Variants in PIK3C2G observed in about 807,000 individuals in gnomAD.
The protein encoded by PIK3C2G is phosphatidylinositol 3-kinase C2 domain-containing subunit gamma.
In PIK3C2G, 168 loss-of-function variants were observed where a neutral mutation model predicts 181.1. That is an observed-to-expected ratio of 0.93 (90% confidence interval 0.82 to 1.05). The LOEUF is 1.05. Among genes scored for constraint, PIK3C2G ranks in the 50% least tolerant of loss-of-function variants. PIK3C2G has a pLI of 0.00. For missense variants in PIK3C2G, 1,869 were observed against 1,732.8 expected, an observed-to-expected ratio of 1.08 and a Z score of -1.40; for synonymous variants, 573 against 592.2, an observed-to-expected ratio of 0.97 and a Z score of 0.47.
chr12:18,635,164 T>C (rs986309528), intron 31 of PIK3C2G, among the ~76,000 whole-genome samples: 1 of 152,228 alleles, frequency 6.6e-6, no homozygotes, highest in Admixed American at 6.5e-5. Flanking sequence ...AGCTGATGCC[T>C]GTATATCATG....
At chr12:18,607,523 T>G (rs1436620776) in intron 30 of PIK3C2G, among the ~76,000 whole-genome samples, 1 of 152,132 alleles carries the variant, frequency 6.6e-6, no homozygotes, top group Non-Finnish European at 1.5e-5. Context: ...CTGGATCCCT[T>G]CCTTACACCT....
chr12:18,721,049 A>G, the PIK3C2G span, among the ~76,000 whole-genome samples: 1 of 152,082 alleles, frequency 6.6e-6, no homozygotes, highest in Non-Finnish European at 1.5e-5. Context: ...AGGAAGATAG[A>G]AGTGTATGGA....
At chr12:18,328,160 C>T (rs187288680) in intron 8 of PIK3C2G, among the ~76,000 whole-genome samples, 6 of 151,944 alleles carry the variant, frequency 3.9e-5, no homozygotes, top group Non-Finnish European at 4.4e-5. Context: ...ATTCATGCTT[C>T]AAAATGTGGT....
At chr12:18,384,827 A>G (rs1260516096) in intron 14 of PIK3C2G, among the ~76,000 whole-genome samples, 3 of 152,230 alleles carry the variant, frequency 2.0e-5, no homozygotes, top group African/African-American at 7.2e-5. Flanking sequence ...AAGTTAAACC[A>G]TCCCATTTTT....
At chr12:18,268,388 GTTATTA>G (rs10542107) in intron 1 of PIK3C2G, among the ~76,000 whole-genome samples, 5 of 151,612 alleles carry the variant, frequency 3.3e-5, no homozygotes, top group East Asian at 2.0e-4. Context: ...GATTTTTATT[GTTATTA>G]TTATTATTAT....
intron 14 of PIK3C2G, among the ~76,000 whole-genome samples, chr12:18,389,978 C>T (rs1413597795): frequency 1.3e-5 from 2 of 152,096 alleles, no homozygotes; most frequent in East Asian, 3.9e-4. Context: ...GTAACTTGCT[C>T]GTACTGGATG....
At chr12:18,384,231 A>G (rs1342291341) in intron 14 of PIK3C2G, among the ~76,000 whole-genome samples, 2 of 152,150 alleles carry the variant, frequency 1.3e-5, no homozygotes, top group Non-Finnish European at 2.9e-5. Flanking sequence ...TTAAACAGAA[A>G]GGGGTGCAAC....
chr12:18,266,830 C>T (rs1040426687), intron 1 of PIK3C2G, among the ~76,000 whole-genome samples: 2 of 151,492 alleles, frequency 1.3e-5, no homozygotes, highest in African/African-American at 4.9e-5. Flanking sequence ...TCCCTCCCTT[C>T]TTCCTCCTCC....
intron 11 of PIK3C2G, among the ~76,000 whole-genome samples, chr12:18,351,427 G>C (rs1483548888): frequency 1.3e-5 from 2 of 152,084 alleles, no homozygotes; most frequent in Non-Finnish European, 2.9e-5. Flanking sequence ...TCTTCTACCA[G>C]CATTCTGGTA....
chr12:18,694,853 A>T, the PIK3C2G span: 2 of 1,311,620 alleles, frequency 1.5e-6, no homozygotes, highest in Non-Finnish European at 1.1e-6. Context: ...ATACTAATGT[A>T]CACTATCTAG....
chr12:18,269,912 C>CTTTTTTTTTTTTTTTTTTTTTTT (rs367550750), intron 1 of PIK3C2G, among the ~76,000 whole-genome samples: 1 of 136,930 alleles, frequency 7.3e-6, no homozygotes, highest in Non-Finnish European at 1.6e-5. Flanking sequence ...TTTTTCTTTT[C>CTTTTTTTTTTTTTTTTTTTTTTT]TTTTTTTTTT....
chr12:18,262,532 T>C (rs1948290659), intron 1 of PIK3C2G, among the ~76,000 whole-genome samples: 1 of 151,004 alleles, frequency 6.6e-6, no homozygotes, highest in African/African-American at 2.4e-5. Flanking sequence ...ATCTGCCATC[T>C]GAACCAGATA....
At chr12:18,494,973 G>A (rs1940882772) in intron 20 of PIK3C2G, among the ~76,000 whole-genome samples, 1 of 151,382 alleles carries the variant, frequency 6.6e-6, no homozygotes, top group African/African-American at 2.4e-5. Context: ...ATTGAAAGTA[G>A]AAAATATCTA....
chr12:18,403,149 C>T (rs1944344802), intron 16 of PIK3C2G, among the ~76,000 whole-genome samples: 1 of 152,152 alleles, frequency 6.6e-6, no homozygotes, highest in Non-Finnish European at 1.5e-5. Flanking sequence ...ACTTAGCGAT[C>T]TCGGTCATGC....
At chr12:18,443,037 A>G (rs1427632468) in intron 18 of PIK3C2G, among the ~76,000 whole-genome samples, 1 of 151,668 alleles carries the variant, frequency 6.6e-6, no homozygotes, top group Non-Finnish European at 1.5e-5. Context: ...ATGCCCAGCT[A>G]ATTTTTTGTA....
At chr12:18,294,327 A>G (rs1949844145) in intron 5 of PIK3C2G, among the ~76,000 whole-genome samples, 1 of 152,084 alleles carries the variant, frequency 6.6e-6, no homozygotes, top group Non-Finnish European at 1.5e-5. Flanking sequence ...TAAAGTCCCA[A>G]ACTAGGACAA....
chr12:18,423,484 G>GT (rs1420491969), intron 17 of PIK3C2G, among the ~76,000 whole-genome samples: 2 of 152,132 alleles, frequency 1.3e-5, no homozygotes, highest in East Asian at 3.9e-4. Context: ...AGTTACGGTA[G>GT]TAACAGTCAG....
intron 13 of PIK3C2G, among the ~76,000 whole-genome samples, chr12:18,381,319 A>G (rs1054944903): frequency 3.3e-5 from 5 of 151,998 alleles, no homozygotes; most frequent in Non-Finnish European, 5.9e-5. Context: ...TTTTTTAATA[A>G]ATTTAGAACT....
At chr12:18,633,615 AT>A (rs1382834058) in intron 31 of PIK3C2G, among the ~76,000 whole-genome samples, 2 of 152,146 alleles carry the variant, frequency 1.3e-5, no homozygotes, top group Non-Finnish European at 2.9e-5. Flanking sequence ...GTTGCCCTAA[AT>A]GATCGCCTGT....
Sources: gnomAD v4.1 joint callset for allele counts (sites outside exome capture counted in the v4.1 genomes callset) on GRCh38, gnomAD v4.1.1 for gene constraint, MANE v1.5 for transcripts, NCBI Gene and HGNC (gene_info 2026-07-23, HGNC 2026-07-21) for gene names.